Variants in GNAS observed in about 807,000 individuals in gnomAD.
The protein encoded by GNAS is protein ALEX.
A neutral mutation model predicts 54.5 loss-of-function variants in GNAS; 8 were observed. The ratio of observed to expected loss-of-function variants is 0.15; its 90% CI spans 0.09 to 0.26. GNAS has a LOEUF of 0.26. Ranked by LOEUF, GNAS falls within the 10% of genes least tolerant of loss-of-function variation. The probability of loss-of-function intolerance (pLI) is 1.00; values close to 1 mark genes in which losing one functional copy is unlikely to be tolerated. For synonymous variants in GNAS, 204 were observed against 191.4 expected (o/e 1.07, Z -0.54); for missense variants, 170 against 529.8 (o/e 0.32, Z 6.67).
At position 58,857,667 on chromosome 20, in the gene GNAS, G is replaced by T. The variant is rs2086575794; in HGVS notation, c.43+16781G>T. ...TGAGTCTTCTATTCTTCCTGGAGGT[G>T]GGGGGTGGAGGAGACACAGTCTACT... On this transcript the variant is annotated intron_variant, in intron 1 of 12. Transcript: ENST00000306090. The surrounding 1 kb of genome is among the most constrained non-coding windows in gnomAD (Gnocchi z 4.1). Among the ~76,000 whole-genome samples, 1 of 152,144 alleles carries T rather than the reference G, an allele frequency of 6.6e-6. No homozygotes were observed. Among genetic ancestry groups the T allele is most frequent in the Admixed American group, 6.5e-5 (1 of 15,276 alleles).
intron 1 of GNAS, among the ~76,000 whole-genome samples, chr20:58,872,051 C>A (rs1299749286): frequency 6.6e-6 from 1 of 152,152 alleles, no homozygotes; most frequent in Non-Finnish European, 1.5e-5. Flanking sequence ...CCATGAGGTC[C>A]CTTGTTCGTT....
intron 6 of GNAS, among the ~76,000 whole-genome samples, chr20:58,905,804 G>A (rs2091005191): frequency 6.6e-6 from 1 of 152,144 alleles, no homozygotes; most frequent in African/African-American, 2.4e-5. Flanking sequence ...GGGAAATAGG[G>A]CTGTGCTCAC....
chr20:58,905,536 A>T, intron 6 of GNAS, 56 bp downstream of exon 6: 3 of 958,548 alleles, frequency 3.1e-6, no homozygotes. Flanking sequence ...ACAAGAAAAC[A>T]TGAAAACCTG....
chr20:58,864,687 G>A (rs535802850), intron 1 of GNAS, among the ~76,000 whole-genome samples: 20 of 152,276 alleles, frequency 1.3e-4, no homozygotes, highest in African/African-American at 4.6e-4. Flanking sequence ...GACTTTTAAT[G>A]CCAGCCCCCA....
At chr20:58,891,144 TC>T (rs1414648045), upstream of GNAS, among the ~76,000 whole-genome samples, 1 of 143,200 alleles carries the variant, frequency 7.0e-6, no homozygotes, top group East Asian at 2.4e-4. Flanking sequence ...GGGGGGCGTC[TC>T]CCCGGCCCGT....
rs2085746021 is a variant in GNAS at position 58,841,908 on chromosome 20, G to A, written c.43+1022G>A. On this transcript the variant is annotated intron_variant, in intron 1 of 12. Coordinates refer to the GNAS transcript ENST00000306090. This position sits in a 1 kb window ranked among gnomAD's most constrained non-coding sequence, Gnocchi z 5.0. ...GGAACAAGGGACAGGCTGGAGACGG[G>A]GGTCGCGTCTAACATCAGGATAACT... 2 of 1,227,106 alleles carry A rather than the reference G, an allele frequency of 1.6e-6. No individual in the cohort carries two copies. Among genetic ancestry groups the A allele is most frequent in the Admixed American group, 4.2e-5 (1 of 23,702 alleles). 76.0% of individuals were successfully genotyped at this position (1,227,106 alleles called of 1,614,324 possible).
At chr20:58,891,991 C>G (rs1386727760) in intron 1 of GNAS, 126 bp downstream of exon 1, 1 of 760,576 alleles carries the variant, frequency 1.3e-6, no homozygotes, top group Non-Finnish European at 1.6e-6. Context: ...CGTTCGCGGG[C>G]TCTGTCTGTG....
At position 58,853,658 on chromosome 20, in the gene GNAS, T is replaced by C; in HGVS notation, c.43+12772T>C. On this transcript the variant is annotated intron_variant, in intron 1 of 12. Transcript: ENST00000306090. The surrounding 1 kb of genome is among the most constrained non-coding windows in gnomAD (Gnocchi z 4.4). ...TCCCCAGTGGGGTCCATGCAGGCCT[T>C]GAGGCCTTCGGCCCAGCACTCATGG... is the stretch of plus-strand genomic sequence containing the variant. 6.2e-7 allele frequency: 1 copy of C among 1,613,560 alleles called. No homozygotes were observed. Among genetic ancestry groups the C allele is most frequent in the Non-Finnish European group, 8.5e-7 (1 of 1,179,808 alleles).
chr20:58,848,269 T>C (rs2086013740), intron 1 of GNAS, among the ~76,000 whole-genome samples: 1 of 152,186 alleles, frequency 6.6e-6, no homozygotes, highest in African/African-American at 2.4e-5. Flanking sequence ...CCTCCCCTAC[T>C]TGACACATCA....
upstream of GNAS, chr20:58,891,206 G>C (rs1221370250): frequency 4.7e-5 from 7 of 149,318 alleles, no homozygotes; most frequent in Middle Eastern, 3.4e-3. Context: ...GGGCTCCCGG[G>C]GGGCCGCCTC....
At chr20:58,876,302 G>T (rs1246529930) in intron 1 of GNAS, among the ~76,000 whole-genome samples, 1 of 152,096 alleles carries the variant, frequency 6.6e-6, no homozygotes, top group Non-Finnish European at 1.5e-5. Flanking sequence ...GTGACAGCTG[G>T]GATGAATATT....
Position 58,841,403 on chromosome 20 carries a change from G to A in GNAS, c.43+517G>A, listed in dbSNP as rs2085720441. 1.0e-6 allele frequency: 1 copy of A among 1,004,964 alleles called. No homozygotes were observed. Among genetic ancestry groups the A allele is most frequent in the Non-Finnish European group, 1.2e-6 (1 of 841,502 alleles). The allele number at this position is 1,004,964 out of a possible 1,614,324, so 62.3% of individuals were successfully genotyped here. ...GAAAGTAATCTGAATGGGAATGGGC[G>A]AGAACTCTAGAGACTGACCACCCGG... On this transcript the variant is annotated intron_variant, in intron 1 of 12. Coordinates refer to the GNAS transcript ENST00000306090. The surrounding 1 kb of genome is among the most constrained non-coding windows in gnomAD (Gnocchi z 5.0).
At chr20:58,843,109 C>T (rs1361696633) in intron 1 of GNAS, among the ~76,000 whole-genome samples, 1 of 152,090 alleles carries the variant, frequency 6.6e-6, no homozygotes, top group Non-Finnish European at 1.5e-5. Flanking sequence ...AGACAGTCTT[C>T]CACAAACTGC....
intron 6 of GNAS, among the ~76,000 whole-genome samples, chr20:58,907,986 T>C (rs2146249980): frequency 6.6e-6 from 1 of 152,362 alleles, no homozygotes; most frequent in Admixed American, 6.5e-5. Flanking sequence ...TCTGTTGCCA[T>C]GGTAACATGC....
intron 2 of GNAS, 25 bp downstream of exon 2, chr20:58,895,709 G>A (rs752769876): frequency 1.5e-6 from 2 of 1,333,402 alleles, no homozygotes; most frequent in South Asian, 1.2e-5. Flanking sequence ...TGTGCAGGGG[G>A]GCACCAAGTA....
At chr20:58,900,753 A>C (rs1243450801) in intron 3 of GNAS, among the ~76,000 whole-genome samples, 1 of 152,244 alleles carries the variant, frequency 6.6e-6, no homozygotes, top group Non-Finnish European at 1.5e-5. Flanking sequence ...TTCATTAAGC[A>C]ATAGTAAAAG....
chr20:58,910,972 C>T lies in GNAS; in HGVS notation c.*143C>T. The T allele has an allele frequency of 1.2e-6, 1 of 822,244 alleles. No individual in the cohort carries two copies. Among genetic ancestry groups the T allele is most frequent in the Non-Finnish European group, 2.0e-6 (1 of 494,632 alleles). 50.9% of individuals were successfully genotyped at this position (822,244 alleles called of 1,614,324 possible). On this transcript the variant is annotated 3_prime_UTR_variant, in exon 13 of 13. Transcript: ENST00000371085. This position sits in a 1 kb window ranked among gnomAD's most constrained non-coding sequence, Gnocchi z 5.8. ...TCCCCCGAGTGATTTTGCGAAACCC[C>T]CTTTTCCCTTCAGCTTGCTTAGATG...
chr20:58,878,145 G>A (rs1055055361), intron 1 of GNAS, among the ~76,000 whole-genome samples: 1 of 152,248 alleles, frequency 6.6e-6, no homozygotes, highest in Non-Finnish European at 1.5e-5. Context: ...CACAAGAGAT[G>A]ATGTGAGCCT....
At chr20:58,888,844 G>A (rs1422256992), upstream of GNAS, 3 of 153,132 alleles carry the variant, frequency 2.0e-5, no homozygotes. Flanking sequence ...GCAGGGGTAA[G>A]CGCCGCCGTC....
Sources: allele counts gnomAD v4.1 joint callset (sites outside exome capture counted in the v4.1 genomes callset), GRCh38; gene constraint gnomAD v4.1.1; non-coding constraint Gnocchi (gnomAD v3.1); transcripts MANE v1.5; gene names NCBI Gene and HGNC (gene_info 2026-07-23, HGNC 2026-07-21).